The following ARHGAP9 variants were observed in gnomAD, a reference collection of about 807,000 sequenced individuals.
ARHGAP9 encodes the protein Rho GTPase activating protein 9, also known as rho GTPase-activating protein 9.
Under a neutral mutation model 87.3 loss-of-function variants are expected in ARHGAP9, and 76 were observed. The observed-to-expected ratio is 0.87, with a 90% CI of 0.72 to 1.05. ARHGAP9 has a LOEUF of 1.05. Among genes scored for constraint, ARHGAP9 ranks in the 50% least tolerant of loss-of-function variants. ARHGAP9 has a pLI of 0.00. For synonymous variants in ARHGAP9, 382 were observed against 394.9 expected, an observed-to-expected ratio of 0.97 and a Z score of 0.39; for missense variants, 941 against 960.5, an observed-to-expected ratio of 0.98 and a Z score of 0.27.
chr12:57,480,864 A>G (rs1216024696), upstream of ARHGAP9: 1 of 1,543,530 alleles, frequency 6.5e-7, no homozygotes. Flanking sequence ...TGGGTTAAGG[A>G]GCGAATGACC....
intron 16 of ARHGAP9, 57 bp from the exon 17 acceptor site, chr12:57,473,765 G>C (rs1872634321): frequency 1.4e-6 from 2 of 1,479,132 alleles, no homozygotes. Context: ...GCTAGGACAG[G>C]ATGGGTAAAT....
intron 11 of ARHGAP9, 39 bp downstream of exon 11, chr12:57,475,444 C>T (rs1409555764): frequency 1.3e-6 from 2 of 1,577,228 alleles, no homozygotes; most frequent in African/African-American, 2.7e-5. Context: ...GGGAGCCTCG[C>T]TGCGCTCCCG....
chr12:57,478,316 C>G, intron 3 of ARHGAP9: 3 of 563,084 alleles, frequency 5.3e-6, no homozygotes, highest in Non-Finnish European at 9.4e-6. Context: ...TCTTTCTCCT[C>G]CTTGCTCAGA....
Position 57,476,125 on chromosome 12 carries a change from G to C in ARHGAP9, c.1158C>G (p.Arg386=), listed in dbSNP as rs1226983367. 22 of 1,542,552 alleles carry C rather than the reference G, an allele frequency of 1.4e-5. No homozygotes were observed. Among genetic ancestry groups the C allele is most frequent in the Non-Finnish European group, 1.9e-5 (22 of 1,144,182 alleles). ...GGCGGCCGTGCGCCAGGGCCGCCCC[G>C]CGCAGGTCCACGCTACTTTCGGGCC... ...GSRPESSVDL[R]GAALAHGRHL... The change falls in exon 9 of 18, where the codon CGC becomes CGG. Residue 386 remains arginine, a synonymous_variant. Transcript: ENST00000393791.
rs748275853 is a variant in ARHGAP9, at chr12:57,476,940, G to T, written c.894C>A (p.Arg298=). The stretch of plus-strand genomic sequence containing the variant: ...AGGCTGGAGGGTCAAGCTGCGAGGT[G>T]CGTTGGCTGAGGCTGAGTGAACCCT... ...DPQGSLSLSQ[R]TSQLDPPALQ... Residue 298 remains arginine (R), a synonymous_variant, in exon 6 of 18, where the codon CGC becomes CGA. Coordinates refer to ENST00000393791, the MANE Select transcript of ARHGAP9 (RefSeq NM_032496.4). 2 of 1,613,776 alleles carry T rather than the reference G, an allele frequency of 1.2e-6. No homozygotes were observed. The highest frequency in any genetic ancestry group is 1.7e-5 in the Admixed American group (1 of 59,966).
chr12:57,486,090 T>C (rs1035555056), intron 1 of ARHGAP9, among the ~76,000 whole-genome samples: 19 of 152,284 alleles, frequency 1.2e-4, no homozygotes, highest in East Asian at 3.9e-4. Context: ...AGAACCTCCA[T>C]AGAATTTTCT....
In ARHGAP9 at chr12:57,476,403, G is replaced by C. The variant is rs1358947946; in HGVS notation, c.1077C>G (p.Phe359Leu). 1 of 1,614,092 alleles carries C rather than the reference G, an allele frequency of 6.2e-7. No homozygotes were observed. The highest frequency in any genetic ancestry group is 8.5e-7 in the Non-Finnish European group (1 of 1,180,022). The change falls in exon 8 of 18, where the codon TTC becomes TTG. Residue 359 changes from phenylalanine (F) to leucine (L), a missense_variant. By Grantham distance (22) the Phe-to-Leu change is conservative. Coordinates refer to ENST00000393791, the MANE Select transcript of ARHGAP9 (RefSeq NM_032496.4). ...WVVLTGNSLV[F>L]YREPPPTAPS... ...GCGCTGTCGGCGGTGGCTCTCGGTA[G>C]AACACCAGGCTGTTACCCGTTAACA...
At chr12:57,488,177 C>A (rs755807464) in intron 1 of ARHGAP9, 2 of 1,613,996 alleles carry the variant, frequency 1.2e-6, no homozygotes, top group East Asian at 4.5e-5. Context: ...CAGAGGTGCT[C>A]ATCAGCACTG....
At chr12:57,475,645 G>A (rs774840095) in intron 10 of ARHGAP9, 30 bp from the exon 11 acceptor site, 1 of 1,598,606 alleles carries the variant, frequency 6.3e-7, no homozygotes, top group South Asian at 1.1e-5. Flanking sequence ...TGTCGAAGGT[G>A]AGAGAGGAGA....
intron 4 of ARHGAP9, 61 bp from the exon 5 acceptor site, chr12:57,477,330 AC>A: frequency 6.6e-7 from 1 of 1,514,760 alleles, no homozygotes; most frequent in East Asian, 2.3e-5. Flanking sequence ...CACTCTCCAC[AC>A]CCTTCTTATA....
rs773143456 is a variant in ARHGAP9 at position 57,476,443 on chromosome 12, C to T, written c.1037G>A (p.Gly346Asp). The T allele has an allele frequency of 6.2e-7, 1 of 1,614,058 alleles. No homozygotes were observed. Among genetic ancestry groups the T allele is most frequent in the Non-Finnish European group, 8.5e-7 (1 of 1,180,022 alleles). ...ACCCGTTAACACCACCCAAGACGGG[C>T]CCCAGTTCTTCCTGCGGGGACAGAG... Reference protein sequence around the residue: ...QGGRKLRKNWGPSWVVLTGNS... With the variant: ...QGGRKLRKNWDPSWVVLTGNS... Residue 346 changes from glycine to aspartate, a missense_variant, in exon 8 of 18, where the codon GGC (glycine) becomes GAC (aspartate). Physicochemically the swap from Gly to Asp is moderately conservative, Grantham distance 94 (BLOSUM62 -1). Coordinates refer to ENST00000393791, the MANE Select transcript of ARHGAP9 (RefSeq NM_032496.4).
At position 57,475,944 on chromosome 12, in the gene ARHGAP9, C is replaced by T. The variant is rs767270087; in HGVS notation, c.1213-13G>A. On this transcript the variant is annotated splice_polypyrimidine_tract_variant and intron_variant, in intron 9 of 17. Coordinates refer to ENST00000393791, the MANE Select transcript of ARHGAP9 (RefSeq NM_032496.4). ...GGATCGTGCGGATCTGAGGGCCAGGCAAGGAAACGCTCGGGTCAACGGGAA... is the reference window on the plus strand; with the variant it reads ...GGATCGTGCGGATCTGAGGGCCAGGTAAGGAAACGCTCGGGTCAACGGGAA... 8.7e-6 allele frequency: 14 copies of T among 1,609,310 alleles called. No individual in the cohort carries two copies. Among genetic ancestry groups the T allele is most frequent in the African/African-American group, 1.3e-5 (1 of 74,784 alleles).
intron 9 of ARHGAP9, 48 bp from the exon 10 acceptor site, chr12:57,475,979 T>A (rs1032050624): frequency 6.4e-7 from 1 of 1,571,684 alleles, no homozygotes; most frequent in Middle Eastern, 1.7e-4. Flanking sequence ...AGGAGTATAA[T>A]AAGCAGGGAG....
intron 1 of ARHGAP9, 128 bp from the exon 2 acceptor site, chr12:57,479,552 G>A (rs1565629979): frequency 2.0e-6 from 3 of 1,503,032 alleles, no homozygotes; most frequent in African/African-American, 2.8e-5. Context: ...GGGGGAGAGG[G>A]TAGAGCAAAC....
Position 57,476,966 on chromosome 12 carries a change from AG to A in ARHGAP9, c.871-4del. The A allele has an allele frequency of 6.7e-7, 1 of 1,486,930 alleles. No individual in the cohort carries two copies. 92.1% of individuals were successfully genotyped at this position (1,486,930 alleles called of 1,614,324 possible). A position where few individuals can be genotyped will look rare whatever the true frequency, so the allele number is the denominator to read the frequency against. Reference sequence around the variant, plus strand: ...CGTTGGCTGAGGCTGAGTGAACCCTAGGGGAGAGGATTGGAGAAACAGGTGG... The same window carrying A: ...CGTTGGCTGAGGCTGAGTGAACCCTAGGGAGAGGATTGGAGAAACAGGTGG... On this transcript the variant is annotated splice_region_variant and splice_polypyrimidine_tract_variant and intron_variant, in intron 5 of 17. Transcript: ENST00000393791.
chr12:57,479,905 C>T, upstream of ARHGAP9: 2 of 1,446,754 alleles, frequency 1.4e-6, no homozygotes, highest in Non-Finnish European at 1.8e-6. Context: ...TAAATTTATG[C>T]AAGCATCAAT....
At chr12:57,475,240 C>A (rs1353524180) in intron 12 of ARHGAP9, 51 bp downstream of exon 12, 1 of 1,518,880 alleles carries the variant, frequency 6.6e-7, no homozygotes. Flanking sequence ...AAGCTCTACT[C>A]TGAGCCTCGC....
intron 1 of ARHGAP9, chr12:57,487,874 AGT>A: frequency 1.0e-5 from 4 of 400,426 alleles, no homozygotes; most frequent in South Asian, 8.8e-5. Context: ...AAAAAAAAAA[AGT>A]GCAGTCTAGC....
upstream of ARHGAP9, chr12:57,484,161 G>A: frequency 5.6e-6 from 1 of 178,122 alleles, no homozygotes; most frequent in South Asian, 8.4e-5. Flanking sequence ...GATCAGCCTG[G>A]CCAACATGGT....
Sources: allele counts gnomAD v4.1 joint callset (sites outside exome capture counted in the v4.1 genomes callset), GRCh38; gene constraint gnomAD v4.1.1; transcripts MANE v1.5; gene names NCBI Gene and HGNC (gene_info 2026-07-23, HGNC 2026-07-21).